The following TMEM192 variants were observed in gnomAD, a reference collection of about 807,000 sequenced individuals.
The protein encoded by TMEM192 is transmembrane protein 192.
Under a neutral mutation model 26.7 loss-of-function variants are expected in TMEM192, and 20 were observed. That is an observed-to-expected ratio of 0.75 (90% CI 0.53 to 1.09). The LOEUF is 1.09. Among genes scored for constraint, TMEM192 ranks in the 50% least tolerant of loss-of-function variants. The pLI, the probability that TMEM192 is intolerant of heterozygous loss-of-function variation, is 0.00. For synonymous variants in TMEM192, 124 were observed against 121.0 expected (o/e 1.02, Z -0.16); for missense variants, 304 against 322.6 (o/e 0.94, Z 0.44).
intron 1 of TMEM192, among the ~76,000 whole-genome samples, chr4:165,107,541 A>C (rs776348834): frequency 1.1e-4 from 17 of 151,610 alleles, no homozygotes; most frequent in Non-Finnish European, 2.2e-4. Context: ...GTGAGATTTC[A>C]CCATGTTGCC....
intron 3 of TMEM192, among the ~76,000 whole-genome samples, chr4:165,093,864 C>T (rs543176108): frequency 7.2e-5 from 11 of 152,012 alleles, no homozygotes; most frequent in East Asian, 5.8e-4. Context: ...TACAGGCACC[C>T]GCCACGCCAC....
At chr4:165,106,768 GCT>G (rs1444055648) in intron 1 of TMEM192, among the ~76,000 whole-genome samples, 1 of 152,198 alleles carries the variant, frequency 6.6e-6, no homozygotes, top group Non-Finnish European at 1.5e-5. Context: ...TGGTTTTGAG[GCT>G]TTTGAACTTG....
intron 1 of TMEM192, among the ~76,000 whole-genome samples, chr4:165,110,943 G>A (rs984066167): frequency 6.6e-6 from 1 of 152,182 alleles, no homozygotes; most frequent in Non-Finnish European, 1.5e-5. Context: ...TCATTTAAGT[G>A]TCTGTAACTA....
chr4:165,085,231 C>G (rs1412380997), intron 5 of TMEM192, among the ~76,000 whole-genome samples: 1 of 148,262 alleles, frequency 6.7e-6, no homozygotes, highest in African/African-American at 2.5e-5. Flanking sequence ...CAAGATCATG[C>G]CACTGCACTC....
At chr4:165,112,663 CCT>C (rs1487065141) in intron 1 of TMEM192, 82 bp downstream of exon 1, 2 of 1,572,216 alleles carry the variant, frequency 1.3e-6, no homozygotes, top group African/African-American at 1.4e-5. Flanking sequence ...GGGTGGCTTC[CCT>C]CTCTGAGTCT....
rs1339364799 is a variant in TMEM192 at position 165,070,615 on chromosome 4, C to A, written c.*9043G>T. 6.6e-6 allele frequency: 1 copy of A among 152,118 alleles called. No homozygotes were observed. The highest frequency in any genetic ancestry group is 1.5e-5 in the Non-Finnish European group (1 of 68,018). The allele number at this position is 152,118 out of a possible 1,614,324, so 9.4% of individuals were successfully genotyped here. The stretch of plus-strand genomic sequence containing the variant: ...AGCAGTGATTATAAAAACTAGCAGT[C>A]TTATCTCTTTTATTTCTGATATGTT... On this transcript the variant is annotated 3_prime_UTR_variant, in exon 6 of 6. Transcript: ENST00000306480.
At chr4:165,109,878 G>A (rs1035539478) in intron 1 of TMEM192, among the ~76,000 whole-genome samples, 4 of 152,174 alleles carry the variant, frequency 2.6e-5, no homozygotes, top group African/African-American at 4.8e-5. Flanking sequence ...AACTGGCCTT[G>A]TTAAGTGTTT....
chr4:165,085,640 T>C lies in TMEM192; in HGVS notation c.623A>G (p.Glu208Gly). The change falls in exon 5 of 6, where the codon GAA becomes GGA. Residue 208 changes from glutamate (E) to glycine (G), a missense_variant. Physicochemically the swap from Glu to Gly is moderately conservative, Grantham distance 98. Transcript: ENST00000306480. ...NKAKPEPDIL[E>G]EEKIYAYPSN... ...GGGGTAAGCATAGATTTTTTCTTCTTCAAGTATATCAGGCTCTGGTTTAGC... is the reference window on the plus strand; with the variant it reads ...GGGGTAAGCATAGATTTTTTCTTCTCCAAGTATATCAGGCTCTGGTTTAGC... 6.2e-7 allele frequency: 1 copy of C among 1,613,088 alleles called. No individual in the cohort carries two copies. Among genetic ancestry groups the C allele is most frequent in the African/African-American group, 1.3e-5 (1 of 75,010 alleles).
chr4:165,096,435 A>C (rs1169472838), intron 3 of TMEM192, among the ~76,000 whole-genome samples: 1 of 151,716 alleles, frequency 6.6e-6, no homozygotes, highest in South Asian at 2.1e-4. Flanking sequence ...ATGTATTTGG[A>C]TCTAAGGAAG....
In TMEM192 at chr4:165,090,590, A is replaced by G. The variant is rs190964994; in HGVS notation, c.440-1988T>C. On this transcript the variant is annotated intron_variant, in intron 3 of 5. Coordinates refer to ENST00000306480, the MANE Select transcript of TMEM192 (RefSeq NM_001100389.2). ...AGTGTTTCCCTGAGTTTTGTGAACCATTCTAGCAAATTACAGAACTCAAGA... is the reference window on the plus strand; with the variant it reads ...AGTGTTTCCCTGAGTTTTGTGAACCGTTCTAGCAAATTACAGAACTCAAGA... Among the ~76,000 whole-genome samples, 773 of 152,140 alleles carry G rather than the reference A, an allele frequency of 5.1e-3. 4 individuals are homozygous for G. Among genetic ancestry groups the G allele is most frequent in the Non-Finnish European group, 8.6e-3 (582 of 68,000 alleles).
rs74287105 is a variant in TMEM192 at position 165,079,276 on chromosome 4, C to A, written c.*382G>T. On this transcript the variant is annotated 3_prime_UTR_variant, in exon 6 of 6. Coordinates refer to ENST00000306480, the MANE Select transcript of TMEM192 (RefSeq NM_001100389.2). The stretch of plus-strand genomic sequence containing the variant: ...GTGGGAAGAACTTATTTGATTAAAA[C>A]CCTGTTTAAAATCGATTGTCTTGTT... The A allele has an allele frequency of 0.011, 1,846 of 167,168 alleles. 8 individuals carry two copies. The highest frequency in any genetic ancestry group is 0.034 in the South Asian group (169 of 5,034). 10.4% of individuals were successfully genotyped at this position (167,168 alleles called of 1,614,324 possible). A position where few individuals can be genotyped will look rare whatever the true frequency, so the allele number is the denominator to read the frequency against.
At chr4:165,098,819 TCC>T (rs1734973970) in intron 3 of TMEM192, among the ~76,000 whole-genome samples, 1 of 151,830 alleles carries the variant, frequency 6.6e-6, no homozygotes, top group Non-Finnish European at 1.5e-5. Flanking sequence ...TGCCTCAGCC[TCC>T]CAAGTAGCTG....
rs1232761244 is a variant in TMEM192 at position 165,073,286 on chromosome 4, T to C, written c.*6372A>G. 1 of 152,410 alleles carries C rather than the reference T, an allele frequency of 6.6e-6. No homozygotes were observed. Among genetic ancestry groups the C allele is most frequent in the Non-Finnish European group, 1.5e-5 (1 of 68,204 alleles). The allele number at this position is 152,410 out of a possible 1,614,324, so 9.4% of individuals were successfully genotyped here. On this transcript the variant is annotated 3_prime_UTR_variant, in exon 6 of 6. Transcript: ENST00000306480. ...CCCCAACCCTGTGCTCACAGAAACATGTGCTGTATTGGATCAGTTTAATGG... is the reference window on the plus strand; with the variant it reads ...CCCCAACCCTGTGCTCACAGAAACACGTGCTGTATTGGATCAGTTTAATGG...
intron 3 of TMEM192, among the ~76,000 whole-genome samples, chr4:165,097,856 C>G (rs180829656): frequency 6.6e-6 from 1 of 151,508 alleles, no homozygotes; most frequent in Non-Finnish European, 1.5e-5. Context: ...ATTTAGAGAT[C>G]GAGTCTCACT....
At position 165,102,933 on chromosome 4, in the gene TMEM192, T is replaced by C; in HGVS notation, c.174+17A>G. The C allele has an allele frequency of 6.2e-7, 1 of 1,606,536 alleles. No individual in the cohort carries two copies. The highest frequency in any genetic ancestry group is 8.5e-7 in the Non-Finnish European group (1 of 1,176,442). On this transcript the variant is annotated intron_variant, in intron 2 of 5. Coordinates refer to ENST00000306480, the MANE Select transcript of TMEM192 (RefSeq NM_001100389.2). ...AACATCACCTCTGGATAGGTCCCCT[T>C]CTTGCAGCCAACTTACATGAATAAA...
chr4:165,091,663 A>C (rs1232141797), intron 3 of TMEM192, among the ~76,000 whole-genome samples: 3 of 150,074 alleles, frequency 2.0e-5, no homozygotes, highest in African/African-American at 7.4e-5. Context: ...AATACTCCTA[A>C]ATTTTGGGGA....
intron 3 of TMEM192, among the ~76,000 whole-genome samples, chr4:165,090,213 GAAAA>G (rs35732863): frequency 7.7e-5 from 4 of 52,080 alleles, no homozygotes; most frequent in African/African-American, 2.8e-4. Context: ...CTCCGTCTTG[GAAAA>G]AAAAAAAAAA....
intron 1 of TMEM192, among the ~76,000 whole-genome samples, chr4:165,107,284 A>G (rs1423776644): frequency 6.6e-6 from 1 of 151,328 alleles, no homozygotes; most frequent in Non-Finnish European, 1.5e-5. Context: ...AGCCTCCCAA[A>G]GTGCTGGGAT....
At chr4:165,087,015 G>A (rs1734633728) in intron 4 of TMEM192, among the ~76,000 whole-genome samples, 1 of 152,110 alleles carries the variant, frequency 6.6e-6, no homozygotes, top group Non-Finnish European at 1.5e-5. Context: ...TCAGGAGGCT[G>A]AGGCAGGAGA....
Sources: allele counts gnomAD v4.1 joint callset (sites outside exome capture counted in the v4.1 genomes callset), GRCh38; gene constraint gnomAD v4.1.1; transcripts MANE v1.5; gene names NCBI Gene and HGNC (gene_info 2026-07-23, HGNC 2026-07-21).